TBC1D22A: variants seen among roughly 807,000 people sequenced by gnomAD.
TBC1D22A encodes the protein TBC1 domain family member 22A.
TBC1D22A carries 38 observed loss-of-function variants against 60.2 expected under a neutral mutation model. The observed-to-expected ratio is 0.63, with a 90% CI of 0.49 to 0.83. The LOEUF (loss-of-function observed/expected upper bound fraction) is 0.83, where lower values mean the gene tolerates loss of function less well. TBC1D22A is among the 40% of genes least tolerant of loss of function. The pLI, the probability that TBC1D22A is intolerant of heterozygous loss-of-function variation, is 0.00. For synonymous variants in TBC1D22A, 302 were observed against 281.7 expected (o/e 1.07, Z -0.72); for missense variants, 628 against 701.0 (o/e 0.90, Z 1.18).
At chr22:46,980,214 G>A (rs907843450) in intron 9 of TBC1D22A, among the ~76,000 whole-genome samples, 2 of 152,194 alleles carry the variant, frequency 1.3e-5, no homozygotes, top group Admixed American at 6.5e-5. Context: ...ATGGAGTCTC[G>A]CTCTGTTGCA....
intron 9 of TBC1D22A, among the ~76,000 whole-genome samples, chr22:46,991,833 C>T (rs1376428550): frequency 1.3e-5 from 2 of 152,156 alleles, no homozygotes; most frequent in African/African-American, 4.8e-5. Flanking sequence ...CTCCAGCTGC[C>T]CTGGCCTCCA....
chr22:46,971,788 G>C (rs1159869108), intron 8 of TBC1D22A, among the ~76,000 whole-genome samples: 1 of 152,248 alleles, frequency 6.6e-6, no homozygotes, highest in Non-Finnish European at 1.5e-5. Flanking sequence ...GCTGCCGTGG[G>C]AAATTGGGAG....
intron 11 of TBC1D22A, among the ~76,000 whole-genome samples, chr22:47,093,449 T>C (rs952766349): frequency 3.9e-5 from 6 of 152,122 alleles, no homozygotes; most frequent in Non-Finnish European, 7.4e-5. Flanking sequence ...CAGCAAAGGA[T>C]GAGAGAGAGC....
chr22:46,913,859 C>A, intron 8 of TBC1D22A: 2 of 736,146 alleles, frequency 2.7e-6, no homozygotes, highest in Non-Finnish European at 3.3e-6. Flanking sequence ...ATCTGCAAGA[C>A]AGGATGAAGG....
chr22:47,121,252 G>A (rs1243958633), intron 12 of TBC1D22A, among the ~76,000 whole-genome samples: 1 of 152,234 alleles, frequency 6.6e-6, no homozygotes, highest in African/African-American at 2.4e-5. Flanking sequence ...TGAAGTTGGC[G>A]TAAAGCAGGC....
At chr22:46,837,229 T>C (rs2086563152) in intron 4 of TBC1D22A, among the ~76,000 whole-genome samples, 1 of 152,184 alleles carries the variant, frequency 6.6e-6, no homozygotes. Context: ...TATCCAACAT[T>C]GGAGAACCTC....
chr22:47,053,489 T>C (rs954358512), intron 11 of TBC1D22A, among the ~76,000 whole-genome samples: 1 of 152,216 alleles, frequency 6.6e-6, no homozygotes, highest in African/African-American at 2.4e-5. Flanking sequence ...TCAGGAGTGC[T>C]GCTCCCCAGT....
At chr22:46,912,925 A>G (rs2070059059) in intron 8 of TBC1D22A, among the ~76,000 whole-genome samples, 1 of 152,220 alleles carries the variant, frequency 6.6e-6, no homozygotes, top group African/African-American at 2.4e-5. Context: ...TACAAGCTGA[A>G]AATCAAATCT....
rs79411844 is a variant in TBC1D22A at position 46,872,146 on chromosome 22, T to C, written c.638-6507T>C. On this transcript the variant is annotated intron_variant, in intron 4 of 12. Transcript: ENST00000337137. The stretch of plus-strand genomic sequence containing the variant: ...CCTTATATTGATTAAAAAAATTAAA[T>C]TTGTTATACAAGAGCCTTCACTCAA... Among the ~76,000 whole-genome samples, 519 of 152,298 alleles carry C rather than the reference T, an allele frequency of 3.4e-3. 3 individuals are homozygous for C. Among genetic ancestry groups the C allele is most frequent in the African/African-American group, 0.012 (498 of 41,572 alleles).
intron 12 of TBC1D22A, among the ~76,000 whole-genome samples, chr22:47,153,751 GAGA>G (rs2067600040): frequency 6.6e-6 from 1 of 152,204 alleles, no homozygotes; most frequent in Non-Finnish European, 1.5e-5. Context: ...GGCAAGGTCA[GAGA>G]AGAAGGAGAA....
intron 8 of TBC1D22A, among the ~76,000 whole-genome samples, chr22:46,952,407 G>T (rs1033314190): frequency 5.9e-5 from 9 of 152,178 alleles, no homozygotes; most frequent in Admixed American, 5.2e-4. Flanking sequence ...TCATTGAACT[G>T]TGTACTTAAA....
intron 6 of TBC1D22A, among the ~76,000 whole-genome samples, chr22:46,893,501 G>C (rs1371434758): frequency 6.6e-6 from 1 of 152,232 alleles, no homozygotes; most frequent in Non-Finnish European, 1.5e-5. Context: ...TGTGACAGGA[G>C]CTCCTATGTA....
At chr22:47,143,963 C>T (rs113779883) in intron 12 of TBC1D22A, among the ~76,000 whole-genome samples, 1 of 152,336 alleles carries the variant, frequency 6.6e-6, no homozygotes, top group African/African-American at 2.4e-5. Context: ...TCCTGCTGGG[C>T]TGGCCGTGGT....
intron 7 of TBC1D22A, among the ~76,000 whole-genome samples, chr22:46,902,249 A>G (rs1046955870): frequency 6.6e-6 from 1 of 152,224 alleles, no homozygotes; most frequent in African/African-American, 2.4e-5. Flanking sequence ...AGCTGGGAAT[A>G]CCTCTGGTTT....
At chr22:46,903,938 C>T (rs547608898) in intron 7 of TBC1D22A, among the ~76,000 whole-genome samples, 15 of 152,264 alleles carry the variant, frequency 9.9e-5, no homozygotes, top group African/African-American at 3.4e-4. Context: ...CCCGTGGACG[C>T]ACCTTCAAGG....
At chr22:46,898,836 C>A (rs1451698522) in intron 7 of TBC1D22A, among the ~76,000 whole-genome samples, 1 of 152,216 alleles carries the variant, frequency 6.6e-6, no homozygotes, top group Non-Finnish European at 1.5e-5. Context: ...AAGGGGAAGG[C>A]AAGTTTGCAT....
intron 10 of TBC1D22A, among the ~76,000 whole-genome samples, chr22:47,017,328 A>C (rs1229998189): frequency 6.6e-6 from 1 of 152,166 alleles, no homozygotes; most frequent in East Asian, 1.9e-4. Flanking sequence ...AGGGCCACAC[A>C]TGACCAGGTA....
intron 11 of TBC1D22A, among the ~76,000 whole-genome samples, chr22:47,088,792 A>G (rs1291476641): frequency 6.6e-6 from 1 of 152,190 alleles, no homozygotes; most frequent in Non-Finnish European, 1.5e-5. Context: ...GGACCTGCCG[A>G]TCAATTGCAG....
At chr22:46,969,090 C>T (rs561551943) in intron 8 of TBC1D22A, among the ~76,000 whole-genome samples, 3 of 152,202 alleles carry the variant, frequency 2.0e-5, no homozygotes, top group Non-Finnish European at 4.4e-5. Context: ...CCCCAAATGC[C>T]CTGAAAGTTT....
Sources: allele counts gnomAD v4.1 joint callset (sites outside exome capture counted in the v4.1 genomes callset), GRCh38; gene constraint gnomAD v4.1.1; transcripts MANE v1.5; gene names NCBI Gene and HGNC (gene_info 2026-07-23, HGNC 2026-07-21).